IPCEF1: variants seen among roughly 807,000 people sequenced by gnomAD.
IPCEF1 encodes interactor protein for cytohesin exchange factors 1.
IPCEF1 carries 31 observed loss-of-function variants against 50.9 expected under a neutral mutation model. That is an observed-to-expected ratio of 0.61 (90% CI 0.46 to 0.82). IPCEF1 has a LOEUF of 0.82. IPCEF1 is among the 40% of genes least tolerant of loss of function. The pLI is 0.00. For missense variants in IPCEF1, 458 were observed against 514.0 expected (o/e 0.89, Z 1.05); for synonymous variants, 181 against 192.0 (o/e 0.94, Z 0.47).
At chr6:154,205,889 A>C (rs1350383618) in intron 9 of IPCEF1, among the ~76,000 whole-genome samples, 1 of 151,958 alleles carries the variant, frequency 6.6e-6, no homozygotes, top group African/African-American at 2.4e-5. Context: ...TCCAACTAGG[A>C]TTACAATAGC....
At position 154,290,059 on chromosome 6, in the gene IPCEF1, G is replaced by T. The variant is rs965048197; in HGVS notation, c.-61-303C>A. 2.0e-5 allele frequency among the ~76,000 whole-genome samples: 3 copies of T among 152,280 alleles called. No individual in the cohort carries two copies. The South Asian group carries it at 6.2e-4, about 32-fold the overall frequency. On this transcript the variant is annotated intron_variant, in intron 1 of 11. Coordinates refer to ENST00000367220, the MANE Select transcript of IPCEF1 (RefSeq NM_001130700.2). ...TCTAAAATAATAATTGGTGGCAGCT[G>T]GTGCCAGGGACAGGCAGTCTCCCAT...
chr6:154,238,939 A>C (rs1349975085), intron 5 of IPCEF1, among the ~76,000 whole-genome samples: 2 of 152,034 alleles, frequency 1.3e-5, no homozygotes, highest in Non-Finnish European at 2.9e-5. Flanking sequence ...TTAAAAAAAA[A>C]AAGAAGTTGT....
intron 1 of IPCEF1, among the ~76,000 whole-genome samples, chr6:154,324,293 C>G (rs1437486832): frequency 3.3e-5 from 5 of 152,148 alleles, no homozygotes; most frequent in African/African-American, 1.2e-4. Flanking sequence ...TGGCCAGTTA[C>G]AGTGGCTCAT....
At chr6:154,294,035 A>C (rs1782576640) in intron 1 of IPCEF1, among the ~76,000 whole-genome samples, 3 of 152,228 alleles carry the variant, frequency 2.0e-5, no homozygotes, top group African/African-American at 7.2e-5. Flanking sequence ...TCTATTGAAA[A>C]TTATTCCAAT....
chr6:154,266,236 A>G (rs1052878639), intron 2 of IPCEF1, among the ~76,000 whole-genome samples: 2 of 151,966 alleles, frequency 1.3e-5, no homozygotes, highest in East Asian at 1.9e-4. Flanking sequence ...GAAAAAAAAC[A>G]TAGCCAGTTG....
intron 3 of IPCEF1, among the ~76,000 whole-genome samples, chr6:154,259,639 C>T (rs759321164): frequency 7.3e-5 from 11 of 150,796 alleles, no homozygotes; most frequent in South Asian, 2.1e-4. Context: ...GCAATAAGAG[C>T]GAAACTCTGT....
chr6:154,156,781 G>C lies in IPCEF1; in HGVS notation c.*3047C>G, dbSNP rs1798734646. 6.6e-6 allele frequency: 1 copy of C among 152,196 alleles called. No homozygotes were observed. The highest frequency in any genetic ancestry group is 1.5e-5 in the Non-Finnish European group (1 of 68,046). 9.4% of individuals were successfully genotyped at this position (152,196 alleles called of 1,614,324 possible). ...AGACGCCCTTGCAATGCAGGGCTCA[G>C]AGTGTCTATTTGCAATATATCAACC... On this transcript the variant is annotated 3_prime_UTR_variant, in exon 12 of 12. Coordinates refer to ENST00000367220, the MANE Select transcript of IPCEF1 (RefSeq NM_001130700.2).
intron 1 of IPCEF1, among the ~76,000 whole-genome samples, chr6:154,319,634 T>A (rs1187060936): frequency 6.6e-6 from 1 of 152,224 alleles, no homozygotes; most frequent in Non-Finnish European, 1.5e-5. Context: ...GTCTTATTTT[T>A]ATCAGTGTGT....
chr6:154,294,514 G>A lies in IPCEF1; in HGVS notation c.-61-4758C>T, dbSNP rs149136511. On this transcript the variant is annotated intron_variant, in intron 1 of 11. Coordinates refer to ENST00000367220, the MANE Select transcript of IPCEF1 (RefSeq NM_001130700.2). ...ACAGCCAAGTATAAAGGGGTTTCCCGAGAACCTTCGACTGGCCTGTGCACA... is the reference window on the plus strand; with the variant it reads ...ACAGCCAAGTATAAAGGGGTTTCCCAAGAACCTTCGACTGGCCTGTGCACA... Among the ~76,000 whole-genome samples, 515 of 152,192 alleles carry A rather than the reference G, an allele frequency of 3.4e-3. 2 individuals are homozygous for A. Among genetic ancestry groups the A allele is most frequent in the African/African-American group, 0.01 (419 of 41,516 alleles).
At chr6:154,318,487 G>A (rs144691499) in intron 1 of IPCEF1, among the ~76,000 whole-genome samples, 14 of 152,158 alleles carry the variant, frequency 9.2e-5, no homozygotes, top group African/African-American at 2.6e-4. Context: ...GATTGGGACC[G>A]AGATGGAAGG....
chr6:154,240,044 G>A (rs752938829), intron 5 of IPCEF1, among the ~76,000 whole-genome samples: 1 of 152,106 alleles, frequency 6.6e-6, no homozygotes, highest in Non-Finnish European at 1.5e-5. Context: ...TTTGGGATAC[G>A]CTCAGAGGCT....
At chr6:154,230,310 A>G (rs1344305403) in intron 5 of IPCEF1, among the ~76,000 whole-genome samples, 1 of 152,222 alleles carries the variant, frequency 6.6e-6, no homozygotes, top group Non-Finnish European at 1.5e-5. Context: ...GAGGTTGTAC[A>G]TGAGTATGGG....
intron 7 of IPCEF1, among the ~76,000 whole-genome samples, chr6:154,219,394 C>T (rs1201826677): frequency 6.6e-6 from 1 of 152,124 alleles, no homozygotes; most frequent in Non-Finnish European, 1.5e-5. Context: ...GAAGCTGGAG[C>T]TACAAGGCAC....
At chr6:154,169,957 T>C (rs1420901787) in intron 10 of IPCEF1, among the ~76,000 whole-genome samples, 1 of 152,190 alleles carries the variant, frequency 6.6e-6, no homozygotes, top group Non-Finnish European at 1.5e-5. Flanking sequence ...CCAAGAATAA[T>C]GATATGGAAG....
At chr6:154,334,332 G>A (rs546693083) in intron 1 of IPCEF1, among the ~76,000 whole-genome samples, 21 of 152,300 alleles carry the variant, frequency 1.4e-4, no homozygotes, top group South Asian at 4.1e-4. Flanking sequence ...CATTTGGAAA[G>A]CCACCGAAAC....
intron 5 of IPCEF1, among the ~76,000 whole-genome samples, chr6:154,244,392 T>C (rs1780865830): frequency 6.6e-6 from 1 of 151,820 alleles, no homozygotes; most frequent in Non-Finnish European, 1.5e-5. Context: ...AACCATTAGT[T>C]TGCATACCAT....
At chr6:154,179,165 C>A (rs146324753) in intron 10 of IPCEF1, among the ~76,000 whole-genome samples, 53 of 152,220 alleles carry the variant, frequency 3.5e-4, no homozygotes, top group Middle Eastern at 3.4e-3. Context: ...AGGACAAAAA[C>A]AGACCCAAAA....
Position 154,339,889 on chromosome 6 carries a change from T to C in IPCEF1, c.-62+16783A>G, listed in dbSNP as rs568884439. ...TGGGATTACAGGCATGAGCCGCCGC[T>C]CCTGGCCAAGTGATAATTTAATTTC... On this transcript the variant is annotated intron_variant, in intron 1 of 11. Transcript: ENST00000367220. Among the ~76,000 whole-genome samples, 5 of 151,916 alleles carry C rather than the reference T, an allele frequency of 3.3e-5. No homozygotes were observed. In the East Asian group the frequency reaches 9.7e-4, roughly 30 times the overall value.
At chr6:154,189,248 T>C (rs929616456) in intron 10 of IPCEF1, among the ~76,000 whole-genome samples, 1 of 152,206 alleles carries the variant, frequency 6.6e-6, no homozygotes, top group Non-Finnish European at 1.5e-5. Context: ...ACTTTACCAA[T>C]GAGGATGTGG....
Sources: gnomAD v4.1 joint callset for allele counts (sites outside exome capture counted in the v4.1 genomes callset) on GRCh38, gnomAD v4.1.1 for gene constraint, MANE v1.5 for transcripts, NCBI Gene and HGNC (gene_info 2026-07-23, HGNC 2026-07-21) for gene names.